The following RFTN2 variants were observed in gnomAD, a reference collection of about 807,000 sequenced individuals.
RFTN2 encodes raftlin family member 2.
A neutral mutation model predicts 52.7 loss-of-function variants in RFTN2; 34 were observed. The observed-to-expected ratio is 0.64, with a 90% CI of 0.49 to 0.86. RFTN2 has a LOEUF of 0.86. Ranked by LOEUF, RFTN2 falls within the 40% of genes least tolerant of loss-of-function variation. The pLI is 0.00. For missense variants in RFTN2, 536 were observed against 600.1 expected (o/e 0.89, Z 1.12); for synonymous variants, 203 against 217.7 (o/e 0.93, Z 0.59).
chr2:197,644,780 A>G (rs1246045719), intron 2 of RFTN2, among the ~76,000 whole-genome samples: 2 of 152,216 alleles, frequency 1.3e-5, no homozygotes, highest in Non-Finnish European at 2.9e-5. Context: ...CAATCCTACT[A>G]TGCAAAAATG....
chr2:197,616,963 G>C (rs1302160643), intron 6 of RFTN2, among the ~76,000 whole-genome samples: 1 of 152,196 alleles, frequency 6.6e-6, no homozygotes, highest in East Asian at 1.9e-4. Flanking sequence ...TGAATTCAGT[G>C]TGTACACCTC....
intron 1 of RFTN2, among the ~76,000 whole-genome samples, chr2:197,657,670 G>A (rs1050249003): frequency 9.9e-6 from 1 of 100,684 alleles, no homozygotes; most frequent in African/African-American, 3.3e-5. Context: ...GAGAGTGATG[G>A]TAATGGGGGA....
intron 1 of RFTN2, among the ~76,000 whole-genome samples, chr2:197,648,179 A>G (rs1235786385): frequency 1.3e-5 from 2 of 152,138 alleles, no homozygotes; most frequent in African/African-American, 4.8e-5. Context: ...GCCAGAGGAA[A>G]TCCCCTCCTC....
chr2:197,634,912 G>T (rs1215703277), intron 3 of RFTN2, among the ~76,000 whole-genome samples: 3 of 100,590 alleles, frequency 3.0e-5, no homozygotes, highest in African/African-American at 1.2e-4. Flanking sequence ...ACAGTCCCCA[G>T]AGTGTGATAT....
chr2:197,570,872 G>A lies in RFTN2; in HGVS notation c.*1136C>T, dbSNP rs1213921608. 1 of 152,110 alleles carries A rather than the reference G, an allele frequency of 6.6e-6. No homozygotes were observed. Among genetic ancestry groups the A allele is most frequent in the East Asian group, 1.9e-4 (1 of 5,214 alleles). The allele number at this position is 152,110 out of a possible 1,614,324, so 9.4% of individuals were successfully genotyped here. Reference sequence around the variant, plus strand: ...TCAATGTTAATAAAAATATATAATAGGCTGAATTCATCAATGATAGAATAA... The same window carrying A: ...TCAATGTTAATAAAAATATATAATAAGCTGAATTCATCAATGATAGAATAA... On this transcript the variant is annotated 3_prime_UTR_variant, in exon 9 of 9. Coordinates refer to ENST00000295049, the MANE Select transcript of RFTN2 (RefSeq NM_144629.3).
intron 1 of RFTN2, among the ~76,000 whole-genome samples, chr2:197,656,679 C>T (rs776930845): frequency 6.6e-5 from 10 of 152,138 alleles, no homozygotes; most frequent in African/African-American, 2.4e-4. Flanking sequence ...AATATGGCCT[C>T]GTTCCCAAAC....
chr2:197,633,434 C>A (rs527485028), intron 4 of RFTN2, among the ~76,000 whole-genome samples: 1 of 152,122 alleles, frequency 6.6e-6, no homozygotes. Flanking sequence ...TGTACAGCCT[C>A]CAATTTATGA....
intron 1 of RFTN2, among the ~76,000 whole-genome samples, chr2:197,653,186 A>T (rs144620191): frequency 1.1e-3 from 160 of 152,336 alleles, no homozygotes; most frequent in African/African-American, 3.6e-3. Flanking sequence ...CTATACTTAG[A>T]GTATTGCCTA....
intron 8 of RFTN2, among the ~76,000 whole-genome samples, chr2:197,587,009 T>C (rs1205899715): frequency 6.6e-6 from 1 of 152,226 alleles, no homozygotes; most frequent in Non-Finnish European, 1.5e-5. Context: ...TTGGATGTCC[T>C]GGGTCCTCCC....
At chr2:197,588,040 A>T in intron 8 of RFTN2, 1 of 468,748 alleles carries the variant, frequency 2.1e-6, no homozygotes. Context: ...ATATGAGTAG[A>T]TTTGCTGTAA....
intron 1 of RFTN2, among the ~76,000 whole-genome samples, chr2:197,657,039 T>A (rs2088904436): frequency 6.6e-6 from 1 of 151,962 alleles, no homozygotes; most frequent in South Asian, 2.1e-4. Flanking sequence ...AAAAAAAATT[T>A]TTTTTGGTAG....
At chr2:197,589,390 C>G (rs977788404) in intron 8 of RFTN2, among the ~76,000 whole-genome samples, 2 of 152,094 alleles carry the variant, frequency 1.3e-5, no homozygotes, top group Admixed American at 1.3e-4. Context: ...AAATCTCTTT[C>G]TTTTGTAAAT....
Position 197,675,533 on chromosome 2 carries a change from AG to A in RFTN2, c.-76del. The A allele has an allele frequency of 3.4e-6, 3 of 876,404 alleles. No homozygotes were observed. Among genetic ancestry groups the A allele is most frequent in the Non-Finnish European group, 4.6e-6 (3 of 658,006 alleles). 54.3% of individuals were successfully genotyped at this position (876,404 alleles called of 1,614,324 possible). A position where few individuals can be genotyped will look rare whatever the true frequency, so the allele number is the denominator to read the frequency against. Reference sequence around the variant, plus strand: ...AAATTCTGTTGTTTAAGCTGCAAAAAGAAAGTTACAGACTTAACTGCTTTGA... The same window carrying A: ...AAATTCTGTTGTTTAAGCTGCAAAAAAAAGTTACAGACTTAACTGCTTTGA... On this transcript the variant is annotated 5_prime_UTR_variant, in exon 1 of 9. Coordinates refer to ENST00000295049, the MANE Select transcript of RFTN2 (RefSeq NM_144629.3).
intron 7 of RFTN2, among the ~76,000 whole-genome samples, chr2:197,598,742 A>C (rs1363888328): frequency 6.6e-6 from 1 of 152,152 alleles, no homozygotes; most frequent in Non-Finnish European, 1.5e-5. Context: ...ATGCACAGTA[A>C]ATTTGGGAAC....
At chr2:197,639,410 C>A (rs2088622856) in intron 3 of RFTN2, among the ~76,000 whole-genome samples, 1 of 151,826 alleles carries the variant, frequency 6.6e-6, no homozygotes. Context: ...TTCACATAGT[C>A]CCATATTTCT....
chr2:197,646,581 A>G lies in RFTN2; in HGVS notation c.225T>C (p.Ile75=). 1 of 1,612,388 alleles carries G rather than the reference A, an allele frequency of 6.2e-7. No individual in the cohort carries two copies. Among genetic ancestry groups the G allele is most frequent in the Non-Finnish European group, 8.5e-7 (1 of 1,178,364 alleles). ...KVENYYLKGY[I]VGAIHPVIQP... is the part of the protein sequence containing the mutation. ...GTATAACAGGATGAATAGCCCCGAC[A>G]ATATATCCTTTAAGATAATAGTTTT... The change falls in exon 2 of 9, where the codon ATT becomes ATC. Residue 75 remains isoleucine, a synonymous_variant. Transcript: ENST00000295049.
intron 8 of RFTN2, among the ~76,000 whole-genome samples, chr2:197,590,560 G>A (rs2087689026): frequency 6.6e-6 from 1 of 152,144 alleles, no homozygotes; most frequent in South Asian, 2.1e-4. Context: ...AGAATTGGTG[G>A]GTCCTTGATC....
At chr2:197,590,539 A>G (rs2087688662) in intron 8 of RFTN2, among the ~76,000 whole-genome samples, 1 of 152,226 alleles carries the variant, frequency 6.6e-6, no homozygotes, top group Admixed American at 6.5e-5. Context: ...TTTGTTGAAC[A>G]TAATGTGTCC....
chr2:197,669,591 A>G (rs141740154), intron 1 of RFTN2, among the ~76,000 whole-genome samples: 1 of 152,288 alleles, frequency 6.6e-6, no homozygotes, highest in East Asian at 1.9e-4. Context: ...ATCATCAGGC[A>G]TTAGTTAGAT....
Sources: gnomAD v4.1 joint callset for allele counts (sites outside exome capture counted in the v4.1 genomes callset) on GRCh38, gnomAD v4.1.1 for gene constraint, MANE v1.5 for transcripts, NCBI Gene and HGNC (gene_info 2026-07-23, HGNC 2026-07-21) for gene names.